The following TCF4 variants were observed in gnomAD, a reference collection of about 807,000 sequenced individuals.
TCF4 encodes the protein transcription factor 4.
In TCF4, 3 loss-of-function variants were observed where a neutral mutation model predicts 82.1. The ratio of observed to expected loss-of-function variants is 0.04; its 90% CI spans 0.02 to 0.09. TCF4 has a LOEUF of 0.09. Among genes scored for constraint, TCF4 ranks in the 10% least tolerant of loss-of-function variants. TCF4 has a pLI of 1.00. For synonymous variants in TCF4, 276 were observed against 309.6 expected (o/e 0.89, Z 1.14); for missense variants, 518 against 852.7 (o/e 0.61, Z 4.89).
At chr18:55,590,962 G>A (rs190863355), upstream of TCF4, among the ~76,000 whole-genome samples, 2 of 152,318 alleles carry the variant, frequency 1.3e-5, no homozygotes, top group Non-Finnish European at 1.5e-5. Flanking sequence ...GAGTGACAGA[G>A]CCCACCTTTG....
intron 5 of TCF4, among the ~76,000 whole-genome samples, chr18:55,450,622 T>C (rs1441116041): frequency 2.0e-5 from 3 of 152,178 alleles, no homozygotes; most frequent in Admixed American, 2.0e-4. Context: ...CAACATTCTA[T>C]ACCAAGCGTC....
intron 8 of TCF4, chr18:55,322,391 C>T (rs1429143234): frequency 1.0e-6 from 1 of 959,946 alleles, no homozygotes; most frequent in African/African-American, 2.0e-5. Flanking sequence ...CCTGAGAACT[C>T]GACTCGGAGA....
In TCF4 at chr18:55,299,406, C is replaced by T. The variant is rs559556027; in HGVS notation, c.550-19750G>A. ...CAACCTGGGCAACAGAGCGAGACTC[C>T]ATCTCAAAGAAAAAAACAAGCTTTC... On this transcript the variant is annotated intron_variant, in intron 8 of 19. Transcript: ENST00000354452. 3.8e-4 allele frequency among the ~76,000 whole-genome samples: 57 copies of T among 149,678 alleles called. No homozygotes were observed. The Middle Eastern group carries it at 0.014, about 38-fold the overall frequency.
rs1047125833 is a variant in TCF4, at chr18:55,223,973, A to T, written c.*4062T>A. The T allele has an allele frequency of 4.0e-5, 6 of 151,824 alleles. No homozygotes were observed. The highest frequency in any genetic ancestry group is 7.3e-5 in the African/African-American group (3 of 41,370). The allele number at this position is 151,824 out of a possible 1,614,324, so 9.4% of individuals were successfully genotyped here. A position where few individuals can be genotyped will look rare whatever the true frequency, so the allele number is the denominator to read the frequency against. ...AAGAAGAAATATTCAGAATCTGACA[A>T]TTTTTTTGTAATATTCATGGTATAA... is the stretch of plus-strand genomic sequence containing the variant. On this transcript the variant is annotated 3_prime_UTR_variant, in exon 20 of 20. Transcript: ENST00000354452.
intron 2 of TCF4, among the ~76,000 whole-genome samples, chr18:55,627,117 A>AT (rs1386933728): frequency 1.3e-5 from 2 of 152,230 alleles, no homozygotes; most frequent in South Asian, 2.1e-4. Flanking sequence ...TGAGTCAGAG[A>AT]TTTTTTGCTC....
intron 2 of TCF4, among the ~76,000 whole-genome samples, chr18:55,626,855 T>C (rs534004363): frequency 3.3e-5 from 5 of 152,368 alleles, no homozygotes; most frequent in Non-Finnish European, 7.3e-5. Context: ...TGTATCATAT[T>C]TGACAGTACA....
rs374117674 is a variant in TCF4 at position 55,508,115 on chromosome 18, A to G, written c.146-43978T>C. 3.7e-4 allele frequency among the ~76,000 whole-genome samples: 56 copies of G among 152,228 alleles called. 1 individual carries two copies. In the South Asian group the frequency reaches 9.3e-3, roughly 25 times the overall value. On this transcript the variant is annotated intron_variant, in intron 3 of 19. Coordinates refer to ENST00000354452, the MANE Select transcript of TCF4 (RefSeq NM_001083962.2). ...AGGCAGCCGGGGAAATGTACCCCCA[A>G]CACACACAATATACCCCAAAACTTT...
At chr18:55,400,884 A>T (rs1188428198) in intron 6 of TCF4, 1 of 1,065,482 alleles carries the variant, frequency 9.4e-7, no homozygotes, top group Non-Finnish European at 1.3e-6. Flanking sequence ...CTGTTATAAT[A>T]CGATAAAGCA....
chr18:55,582,029 T>C (rs1000032983), intron 3 of TCF4, among the ~76,000 whole-genome samples: 1 of 152,144 alleles, frequency 6.6e-6, no homozygotes, highest in Admixed American at 6.5e-5. Context: ...CTTTAGAATG[T>C]ATCATTTTAG....
At chr18:55,322,473 A>G in intron 8 of TCF4, 1 of 1,003,802 alleles carries the variant, frequency 1.0e-6, no homozygotes, top group East Asian at 7.6e-5. Flanking sequence ...GACCTCGCTC[A>G]AAAGGAGAGA....
chr18:55,396,815 G>C (rs2146304170), intron 6 of TCF4, among the ~76,000 whole-genome samples: 1 of 152,198 alleles, frequency 6.6e-6, no homozygotes, highest in South Asian at 2.1e-4. Flanking sequence ...CTCCAGGTAA[G>C]GAAACATTAG....
At chr18:55,423,427 GCA>G (rs758850356) in intron 5 of TCF4, 13,644 of 105,836 alleles carry the variant, frequency 0.13, 778 homozygotes, top group East Asian at 0.39. Context: ...ACGCGCGCGC[GCA>G]CACACACACA....
At chr18:55,319,360 A>C (rs772955396) in intron 8 of TCF4, among the ~76,000 whole-genome samples, 1 of 152,186 alleles carries the variant, frequency 6.6e-6, no homozygotes, top group Non-Finnish European at 1.5e-5. Flanking sequence ...CTGCTTCCTC[A>C]GTGTATGCAT....
chr18:55,259,526 A>T (rs2057584319), intron 13 of TCF4: 1 of 162,514 alleles, frequency 6.2e-6, no homozygotes, highest in Non-Finnish European at 1.4e-5. Context: ...GGGAATTTGG[A>T]AAGCCTGAAA....
intron 2 of TCF4, among the ~76,000 whole-genome samples, chr18:55,598,923 T>G (rs2097693949): frequency 6.6e-6 from 1 of 152,190 alleles, no homozygotes; most frequent in South Asian, 2.1e-4. Context: ...CAATCACTCT[T>G]TTGTTTGCCT....
intron 6 of TCF4, among the ~76,000 whole-genome samples, chr18:55,364,268 A>G (rs1179862311): frequency 4.6e-5 from 7 of 152,242 alleles, no homozygotes; most frequent in African/African-American, 1.4e-4. Context: ...TGGTAACATT[A>G]TATCTGTGAA....
chr18:55,249,155 T>C (rs1372451154), intron 15 of TCF4, among the ~76,000 whole-genome samples: 1 of 152,184 alleles, frequency 6.6e-6, no homozygotes, highest in Admixed American at 6.5e-5. Flanking sequence ...AGGGTACTTT[T>C]AGAATCTAAA....
upstream of TCF4, chr18:55,589,453 A>C: frequency 9.5e-6 from 10 of 1,056,628 alleles, no homozygotes; most frequent in Non-Finnish European, 1.0e-5. Flanking sequence ...CACAGATTAC[A>C]AGATTATGCA....
At chr18:55,457,669 T>G (rs1358301610) in intron 5 of TCF4, among the ~76,000 whole-genome samples, 2 of 152,114 alleles carry the variant, frequency 1.3e-5, no homozygotes, top group Non-Finnish European at 2.9e-5. Flanking sequence ...GTATTTTTGG[T>G]AGAGATGAGG....
Sources: allele counts gnomAD v4.1 joint callset (sites outside exome capture counted in the v4.1 genomes callset), GRCh38; gene constraint gnomAD v4.1.1; transcripts MANE v1.5; gene names NCBI Gene and HGNC (gene_info 2026-07-23, HGNC 2026-07-21).